The following WWOX variants were observed in gnomAD, a reference collection of about 807,000 sequenced individuals.
The protein encoded by WWOX is WW domain containing oxidoreductase.
A neutral mutation model predicts 46.2 loss-of-function variants in WWOX; 69 were observed. The observed-to-expected ratio is 1.49, with a 90% CI of 1.23 to 1.82. The LOEUF (loss-of-function observed/expected upper bound fraction) is 1.82. Ranked by LOEUF, WWOX falls within the 40% of genes most tolerant of loss-of-function variation. The pLI, the probability that WWOX is intolerant of heterozygous loss-of-function variation, is 0.00. For missense variants in WWOX, 919 were observed against 542.6 expected, an observed-to-expected ratio of 1.69 and a Z score of -6.89; for synonymous variants, 359 against 202.6, an observed-to-expected ratio of 1.77 and a Z score of -6.56.
intron 8 of WWOX, among the ~76,000 whole-genome samples, chr16:79,163,196 G>C (rs565587451): frequency 3.7e-4 from 57 of 152,316 alleles, no homozygotes; most frequent in African/African-American, 1.3e-3. Flanking sequence ...CTAGGAGGGA[G>C]AGATTGGGAG....
chr16:79,104,058 T>TGGGG (rs2049259343), intron 8 of WWOX, among the ~76,000 whole-genome samples: 9 of 22,408 alleles, frequency 4.0e-4, no homozygotes, highest in Non-Finnish European at 6.8e-4. Flanking sequence ...GGGCGGGTGG[T>TGGGG]GGGGGTACTT....
chr16:78,682,407 A>G (rs12148928), intron 8 of WWOX, among the ~76,000 whole-genome samples: 2,056 of 152,272 alleles, frequency 0.014, 22 homozygotes, highest in South Asian at 0.04. Context: ...AGTTGGCACC[A>G]GTCTTCAATG....
At chr16:79,132,494 G>C (rs1001785395) in intron 8 of WWOX, among the ~76,000 whole-genome samples, 1 of 152,064 alleles carries the variant, frequency 6.6e-6, no homozygotes, top group Non-Finnish European at 1.5e-5. Flanking sequence ...TACTTGCCAC[G>C]TTTCAGATGA....
chr16:78,645,825 G>A (rs560412736), intron 8 of WWOX, among the ~76,000 whole-genome samples: 1 of 152,240 alleles, frequency 6.6e-6, no homozygotes, highest in South Asian at 2.1e-4. Context: ...CCAAAATCAA[G>A]GTGTTGGCAG....
Position 78,413,283 on chromosome 16 carries a change from C to G in WWOX, c.606-11587C>G, listed in dbSNP as rs532814950. On this transcript the variant is annotated intron_variant, in intron 6 of 8. Coordinates refer to ENST00000566780, the MANE Select transcript of WWOX (RefSeq NM_016373.4). ...TGGGAGTGCTGATTGTCTCACGTGT[C>G]CATGTGAAGAGACCACCAAACAGGG... 2.0e-5 allele frequency among the ~76,000 whole-genome samples: 3 copies of G among 152,164 alleles called. No homozygotes were observed. The South Asian group carries it at 6.2e-4, about 32-fold the overall frequency.
Position 78,526,919 on chromosome 16 carries a change from C to G in WWOX, c.1056+94167C>G, listed in dbSNP as rs901411329. Among the ~76,000 whole-genome samples, 3 of 152,188 alleles carry G rather than the reference C, an allele frequency of 2.0e-5. No individual in the cohort carries two copies. In the South Asian group the frequency reaches 6.2e-4, roughly 31 times the overall value. On this transcript the variant is annotated intron_variant, in intron 8 of 8. Transcript: ENST00000566780. The stretch of plus-strand genomic sequence containing the variant: ...ATGGCTCACGCCTATAATCCCAGCA[C>G]TTTGGGAGGCCGAGGCAGGTGGATC...
intron 8 of WWOX, among the ~76,000 whole-genome samples, chr16:79,195,703 G>C (rs751939276): frequency 4.6e-5 from 7 of 152,222 alleles, no homozygotes; most frequent in Non-Finnish European, 8.8e-5. Flanking sequence ...AGCTCCTTGT[G>C]AAGGAATGGC....
chr16:78,410,561 G>C (rs938525444), intron 6 of WWOX, among the ~76,000 whole-genome samples: 2 of 152,196 alleles, frequency 1.3e-5, no homozygotes, highest in South Asian at 2.1e-4. Context: ...TGTTATCACA[G>C]CACTTTGGGA....
At chr16:78,810,381 A>G (rs758416684) in intron 8 of WWOX, among the ~76,000 whole-genome samples, 1 of 152,172 alleles carries the variant, frequency 6.6e-6, no homozygotes. Flanking sequence ...ATGCAGCCAC[A>G]CTTGTTTTTA....
intron 8 of WWOX, among the ~76,000 whole-genome samples, chr16:78,970,273 C>T (rs563269750): frequency 2.6e-5 from 4 of 152,156 alleles, no homozygotes; most frequent in East Asian, 1.9e-4. Flanking sequence ...TATCCCTGCC[C>T]GAATCATTTT....
At chr16:78,307,304 G>A (rs1165029859) in intron 5 of WWOX, among the ~76,000 whole-genome samples, 3 of 152,286 alleles carry the variant, frequency 2.0e-5, no homozygotes, top group South Asian at 2.1e-4. Context: ...TTCTGGAAAC[G>A]GTGAATGTTG....
At chr16:78,269,824 C>A (rs1273949771) in intron 5 of WWOX, among the ~76,000 whole-genome samples, 1 of 151,932 alleles carries the variant, frequency 6.6e-6, no homozygotes, top group Non-Finnish European at 1.5e-5. Flanking sequence ...TGAAAACACA[C>A]ACACACAGTT....
chr16:78,957,698 T>C (rs36086502), intron 8 of WWOX, among the ~76,000 whole-genome samples: 10,409 of 152,292 alleles, frequency 0.068, 477 homozygotes, highest in Middle Eastern at 0.11. Context: ...TTGTTTGATT[T>C]ATGTATGTGA....
At chr16:79,206,582 C>G (rs778490905) in intron 8 of WWOX, 1 of 152,210 alleles carries the variant, frequency 6.6e-6, no homozygotes, top group African/African-American at 2.4e-5. Flanking sequence ...TCATTGATGT[C>G]ACTTGAATAG....
chr16:78,659,100 A>C (rs1488926813), intron 8 of WWOX, among the ~76,000 whole-genome samples: 2 of 147,102 alleles, frequency 1.4e-5, no homozygotes, highest in African/African-American at 2.5e-5. Flanking sequence ...TCAAAAAAAA[A>C]CAAACAAACA....
At chr16:78,218,962 C>T (rs1215272834) in intron 5 of WWOX, among the ~76,000 whole-genome samples, 3 of 152,204 alleles carry the variant, frequency 2.0e-5, no homozygotes, top group Non-Finnish European at 4.4e-5. Flanking sequence ...GAAAACTTAT[C>T]ACTTAAATTG....
chr16:78,295,182 A>T (rs1203634728), intron 5 of WWOX, among the ~76,000 whole-genome samples: 2 of 152,154 alleles, frequency 1.3e-5, no homozygotes. Context: ...TTGGCTGAAG[A>T]TGTATCATCT....
intron 8 of WWOX, among the ~76,000 whole-genome samples, chr16:79,202,325 GA>G (rs1244812169): frequency 6.6e-6 from 1 of 152,170 alleles, no homozygotes; most frequent in Non-Finnish European, 1.5e-5. Flanking sequence ...GTATTGTTGA[GA>G]TGGGAATGAC....
intron 8 of WWOX, among the ~76,000 whole-genome samples, chr16:78,504,621 T>C (rs973217515): frequency 2.0e-5 from 3 of 152,230 alleles, no homozygotes; most frequent in African/African-American, 7.2e-5. Context: ...CTTTCCCCTT[T>C]AGCACCCAGA....
Sources: allele counts gnomAD v4.1 joint callset (sites outside exome capture counted in the v4.1 genomes callset), GRCh38; gene constraint gnomAD v4.1.1; transcripts MANE v1.5; gene names NCBI Gene and HGNC (gene_info 2026-07-23, HGNC 2026-07-21).